BLTP2: variants seen among roughly 807,000 people sequenced by gnomAD.
BLTP2 encodes U937-associated antigen.
the BLTP2 span, chr17:28,644,947 C>CCCG: frequency 3.6e-4 from 543 of 1,520,874 alleles, 1 homozygote; most frequent in East Asian, 3.0e-3. Context: ...CCCCCTCCCT[C>CCCG]CCGCCGCCGC....
the BLTP2 span, among the ~76,000 whole-genome samples, chr17:28,637,672 A>G: frequency 1.3e-5 from 2 of 152,062 alleles, no homozygotes; most frequent in South Asian, 4.1e-4. Flanking sequence ...TTATTTACTT[A>G]TTTTATTTTA....
the BLTP2 span, among the ~76,000 whole-genome samples, chr17:28,643,832 T>C: frequency 6.6e-6 from 1 of 152,228 alleles, no homozygotes; most frequent in African/African-American, 2.4e-5. Flanking sequence ...ATCTTTCTTC[T>C]GTATCTTTGT....
At chr17:28,634,702 G>A in the BLTP2 span, 4 of 1,614,146 alleles carry the variant, frequency 2.5e-6, no homozygotes, top group Non-Finnish European at 2.5e-6. Context: ...AGTAAGCAGT[G>A]CCCGGCGCAT....
At chr17:28,640,844 C>T in the BLTP2 span, among the ~76,000 whole-genome samples, 3 of 152,228 alleles carry the variant, frequency 2.0e-5, no homozygotes, top group Non-Finnish European at 4.4e-5. Flanking sequence ...GATCCAGGCA[C>T]CTGCAGTACT....
the BLTP2 span, chr17:28,642,274 C>G: frequency 3.1e-6 from 5 of 1,614,094 alleles, no homozygotes; most frequent in Non-Finnish European, 3.4e-6. Context: ...GGCATACTTA[C>G]CAGCTGACCA....
At chr17:28,615,963 A>G in the BLTP2 span, 1 of 1,006,314 alleles carries the variant, frequency 9.9e-7, no homozygotes, top group Non-Finnish European at 1.5e-6. Context: ...TCTTGAGGGG[A>G]GCAGAGGGAA....
At chr17:28,642,369 T>C in the BLTP2 span, 10 of 1,604,674 alleles carry the variant, frequency 6.2e-6, no homozygotes, top group South Asian at 9.9e-5. Context: ...GCACTTGGCC[T>C]TGCCGGGCGC....
At chr17:28,629,780 A>G in the BLTP2 span, among the ~76,000 whole-genome samples, 1 of 151,892 alleles carries the variant, frequency 6.6e-6, no homozygotes. Context: ...TACCTGGCCT[A>G]ATTTTTGTAT....
At chr17:28,624,016 G>A in the BLTP2 span, 3 of 1,553,710 alleles carry the variant, frequency 1.9e-6, no homozygotes, top group Non-Finnish European at 2.7e-6. Context: ...GATGAGGTTA[G>A]TGAGCACATT....
At chr17:28,634,208 G>T in the BLTP2 span, 1 of 890,036 alleles carries the variant, frequency 1.1e-6, no homozygotes, top group Non-Finnish European at 1.7e-6. Flanking sequence ...AGAGAACAAG[G>T]GCAGGCAGTT....
chr17:28,622,014 A>C, the BLTP2 span, among the ~76,000 whole-genome samples: 83 of 152,300 alleles, frequency 5.4e-4, no homozygotes, highest in Non-Finnish European at 9.3e-4. Flanking sequence ...GTCTCAAAAA[A>C]ATATAGGAAA....
At chr17:28,634,562 T>C in the BLTP2 span, 1 of 1,614,074 alleles carries the variant, frequency 6.2e-7, no homozygotes, top group South Asian at 1.1e-5. Flanking sequence ...CACCACTGAA[T>C]GACAAGATCT....
At chr17:28,615,831 G>C in the BLTP2 span, 2 of 1,611,382 alleles carry the variant, frequency 1.2e-6, no homozygotes, top group South Asian at 1.1e-5. Context: ...AAGAAAAAAA[G>C]AGGGGTGGGG....
the BLTP2 span, chr17:28,637,070 G>C: frequency 6.2e-7 from 1 of 1,614,130 alleles, no homozygotes; most frequent in Non-Finnish European, 8.5e-7. Context: ...TCTTCTCCGT[G>C]ACTGATTTCA....
At chr17:28,620,289 G>A in the BLTP2 span, among the ~76,000 whole-genome samples, 1 of 152,162 alleles carries the variant, frequency 6.6e-6, no homozygotes, top group Non-Finnish European at 1.5e-5. Flanking sequence ...GAAATGACTA[G>A]GAGAAAACAA....
chr17:28,615,175 C>A, the BLTP2 span: 1 of 1,614,118 alleles, frequency 6.2e-7, no homozygotes, highest in Non-Finnish European at 8.5e-7. Context: ...TGTTCAGGTC[C>A]GATTTAGTTT....
At chr17:28,619,949 G>A in the BLTP2 span, 2 of 1,614,042 alleles carry the variant, frequency 1.2e-6, no homozygotes, top group Non-Finnish European at 8.5e-7. Flanking sequence ...ATGCTGCTGC[G>A]TTGCTCCTCT....
the BLTP2 span, among the ~76,000 whole-genome samples, chr17:28,629,799 G>C: frequency 6.6e-6 from 1 of 151,904 alleles, no homozygotes; most frequent in Non-Finnish European, 1.5e-5. Flanking sequence ...ATTTTTAGTA[G>C]AGACAGGGTT....
At chr17:28,644,254 G>A in the BLTP2 span, 11 of 1,552,976 alleles carry the variant, frequency 7.1e-6, no homozygotes, top group Admixed American at 1.3e-4. Context: ...CCCCTTGCTG[G>A]TCTTTCAAAG....
Sources: allele counts gnomAD v4.1 joint callset (sites outside exome capture counted in the v4.1 genomes callset), GRCh38; gene constraint gnomAD v4.1.1; transcripts MANE v1.5; gene names NCBI Gene and HGNC (gene_info 2026-07-23, HGNC 2026-07-21).